The following CSMD1 variants were observed in gnomAD, a reference collection of about 807,000 sequenced individuals.
CSMD1 encodes the protein CUB and sushi domain-containing protein 1.
A neutral mutation model predicts 417.5 loss-of-function variants in CSMD1; 213 were observed. The observed-to-expected ratio is 0.51, with a 90% CI of 0.46 to 0.57. CSMD1 has a LOEUF of 0.57. CSMD1 is among the 20% of genes least tolerant of loss of function. CSMD1 has a pLI of 0.00. For missense variants in CSMD1, 6,923 were observed against 4,529.7 expected (o/e 1.53, Z -15.17); for synonymous variants, 2,862 against 1,736.8 (o/e 1.65, Z -16.11).
intron 3 of CSMD1, among the ~76,000 whole-genome samples, chr8:4,311,544 G>C (rs921607029): frequency 1.3e-5 from 2 of 151,964 alleles, no homozygotes; most frequent in African/African-American, 2.4e-5. Context: ...CCAATACGGT[G>C]AAACCCTGTC....
chr8:3,452,892 G>C (rs1367726978), intron 12 of CSMD1, among the ~76,000 whole-genome samples: 5 of 152,320 alleles, frequency 3.3e-5, no homozygotes, highest in African/African-American at 1.2e-4. Flanking sequence ...AGAAGGAATG[G>C]TACCAGCTCC....
intron 1 of CSMD1, among the ~76,000 whole-genome samples, chr8:4,802,934 G>A (rs944759644): frequency 6.6e-6 from 1 of 152,142 alleles, no homozygotes; most frequent in African/African-American, 2.4e-5. Context: ...GCAGAATAAA[G>A]TGATCTTAGT....
chr8:4,275,118 G>C (rs895055206), intron 3 of CSMD1, among the ~76,000 whole-genome samples: 1 of 152,098 alleles, frequency 6.6e-6, no homozygotes, highest in Non-Finnish European at 1.5e-5. Flanking sequence ...GCCTTATAAA[G>C]ATAACCAATG....
chr8:3,504,411 G>T (rs1276777936), intron 10 of CSMD1, among the ~76,000 whole-genome samples: 1 of 152,034 alleles, frequency 6.6e-6, no homozygotes, highest in Admixed American at 6.6e-5. Context: ...GGGATTTCTG[G>T]GATTCAAGAA....
chr8:4,012,679 T>C (rs1340396047), intron 4 of CSMD1, among the ~76,000 whole-genome samples: 3 of 152,174 alleles, frequency 2.0e-5, no homozygotes, highest in African/African-American at 7.2e-5. Context: ...CAGCTTTATG[T>C]ATCCAACTCC....
At chr8:3,828,098 C>T (rs996468889) in intron 5 of CSMD1, among the ~76,000 whole-genome samples, 2 of 152,168 alleles carry the variant, frequency 1.3e-5, no homozygotes, top group African/African-American at 2.4e-5. Flanking sequence ...ACATCCTATA[C>T]AGCATGTTAA....
At chr8:4,469,488 T>G (rs1328150649) in intron 2 of CSMD1, among the ~76,000 whole-genome samples, 1 of 152,182 alleles carries the variant, frequency 6.6e-6, no homozygotes, top group Admixed American at 6.5e-5. Flanking sequence ...TCAAAACAGG[T>G]GAGTAGATTT....
intron 5 of CSMD1, among the ~76,000 whole-genome samples, chr8:3,955,119 C>CCGT (rs1210537661): frequency 2.0e-3 from 304 of 152,320 alleles, no homozygotes; most frequent in Middle Eastern, 3.4e-3. Flanking sequence ...TCCTGCCCCC[C>CCGT]TCATACCTAA....
At chr8:4,296,309 T>C (rs1440861247) in intron 3 of CSMD1, among the ~76,000 whole-genome samples, 1 of 152,104 alleles carries the variant, frequency 6.6e-6, no homozygotes, top group Non-Finnish European at 1.5e-5. Context: ...TTCGTCCCTG[T>C]GGTTATAAAT....
chr8:4,779,181 G>T (rs1272630956), intron 1 of CSMD1, among the ~76,000 whole-genome samples: 1 of 152,108 alleles, frequency 6.6e-6, no homozygotes, highest in Non-Finnish European at 1.5e-5. Context: ...TTTTCCAGTG[G>T]TGGCAAACAT....
intron 5 of CSMD1, among the ~76,000 whole-genome samples, chr8:3,812,666 G>A (rs1260490402): frequency 6.6e-6 from 1 of 152,168 alleles, no homozygotes; most frequent in Non-Finnish European, 1.5e-5. Context: ...AGGAATTAAG[G>A]AAGAGATTGC....
chr8:3,386,792 G>A (rs752392260), intron 18 of CSMD1, among the ~76,000 whole-genome samples: 5 of 152,210 alleles, frequency 3.3e-5, no homozygotes, highest in Non-Finnish European at 7.4e-5. Flanking sequence ...TAGAAACAAT[G>A]TTATACTGGG....
intron 7 of CSMD1, among the ~76,000 whole-genome samples, chr8:3,658,772 G>A (rs1015401489): frequency 6.6e-6 from 1 of 152,080 alleles, no homozygotes; most frequent in Non-Finnish European, 1.5e-5. Flanking sequence ...GACAAAGAGA[G>A]ACTCCACCTC....
intron 2 of CSMD1, among the ~76,000 whole-genome samples, chr8:4,453,814 C>CTTTTTTTTTTT (rs60422486): frequency 7.4e-5 from 5 of 67,748 alleles, no homozygotes; most frequent in African/African-American, 1.1e-4. Context: ...CAATTCGTTT[C>CTTTTTTTTTTT]TTTTTTTTTT....
chr8:4,574,408 G>A (rs945254015), intron 2 of CSMD1, among the ~76,000 whole-genome samples: 5 of 152,116 alleles, frequency 3.3e-5, no homozygotes, highest in Non-Finnish European at 7.3e-5. Context: ...CTTCCCCGGT[G>A]AGGCAATGCC....
intron 7 of CSMD1, among the ~76,000 whole-genome samples, chr8:3,679,312 T>A (rs927773649): frequency 6.6e-6 from 1 of 152,060 alleles, no homozygotes; most frequent in African/African-American, 2.4e-5. Context: ...GAGACACACA[T>A]AGGCTCAAAA....
At chr8:4,575,047 T>A (rs921598850) in intron 2 of CSMD1, among the ~76,000 whole-genome samples, 1 of 152,192 alleles carries the variant, frequency 6.6e-6, no homozygotes, top group African/African-American at 2.4e-5. Flanking sequence ...CCAGGTTTTT[T>A]AAAAGTATAC....
chr8:4,865,811 C>G (rs1223649271), intron 1 of CSMD1, among the ~76,000 whole-genome samples: 1 of 151,788 alleles, frequency 6.6e-6, no homozygotes. Context: ...TTAAAAGGTC[C>G]TCCTTTAAAA....
At chr8:4,971,044 C>T (rs1480002875) in intron 1 of CSMD1, among the ~76,000 whole-genome samples, 11 of 151,946 alleles carry the variant, frequency 7.2e-5, no homozygotes, top group Admixed American at 7.2e-4. Flanking sequence ...TTGACTTAGT[C>T]TTAACTAACT....
Sources: allele counts gnomAD v4.1 joint callset (sites outside exome capture counted in the v4.1 genomes callset), GRCh38; gene constraint gnomAD v4.1.1; transcripts MANE v1.5; gene names NCBI Gene and HGNC (gene_info 2026-07-23, HGNC 2026-07-21).